Variants in ANKRD13B observed in about 807,000 individuals in gnomAD.
ANKRD13B encodes ankyrin repeat domain 13B, also known as ankyrin repeat domain-containing protein 13B.
A neutral mutation model predicts 74.4 loss-of-function variants in ANKRD13B; 33 were observed. The ratio of observed to expected loss-of-function variants is 0.44; its 90% confidence interval spans 0.34 to 0.59. ANKRD13B has a LOEUF of 0.59. ANKRD13B is among the 20% of genes least tolerant of loss of function. The pLI, the probability that ANKRD13B is intolerant of heterozygous loss-of-function variation, is 0.02. For missense variants in ANKRD13B, 676 were observed against 877.9 expected (o/e 0.77, Z 2.91); for synonymous variants, 341 against 362.9 (o/e 0.94, Z 0.68).
intron 1 of ANKRD13B, among the ~76,000 whole-genome samples, chr17:29,598,503 C>T (rs2034038762): frequency 6.6e-6 from 1 of 151,170 alleles, no homozygotes. Context: ...TTCTCCCTCC[C>T]TCCCTCCCTT....
In ANKRD13B at chr17:29,611,850, C is replaced by G; in HGVS notation, c.970-26C>G. The G allele has an allele frequency of 6.4e-7, 1 of 1,570,196 alleles. No homozygotes were observed. The highest frequency in any genetic ancestry group is 1.2e-5 in the South Asian group (1 of 85,038). ...CTGGCATTAGGAACTGAGGGGAGCT[C>G]CTGGGCCCCTCCCCATGTGGTACAG... On this transcript the variant is annotated intron_variant, in intron 9 of 14. Transcript: ENST00000394859. The surrounding 1 kb of genome is among the most constrained non-coding windows in gnomAD (Gnocchi z 4.3).
At chr17:29,603,877 C>CTT (rs71138837) in intron 1 of ANKRD13B, among the ~76,000 whole-genome samples, 4 of 117,982 alleles carry the variant, frequency 3.4e-5, no homozygotes, top group Non-Finnish European at 5.2e-5. Flanking sequence ...TATTTTCTTT[C>CTT]TTTTTTTTTT....
intron 1 of ANKRD13B, 160 bp downstream of exon 1, chr17:29,593,895 A>ATGGGAGCGGGCCGTGCCCGC: frequency 3.2e-6 from 1 of 315,506 alleles, no homozygotes; most frequent in Non-Finnish European, 5.6e-6. Flanking sequence ...GGAAAGGGTG[A>ATGGGAGCGGGCCGTGCCCGC]TCCCCTCCGG....
rs2034601208 is a variant in ANKRD13B, at chr17:29,612,178, C to T, written c.1163C>T (p.Pro388Leu). The T allele has an allele frequency of 1.2e-6, 2 of 1,614,020 alleles. No individual in the cohort carries two copies. Among genetic ancestry groups the T allele is most frequent in the Non-Finnish European group, 1.7e-6 (2 of 1,180,036 alleles). Residue 388 changes from proline to leucine, a missense_variant, in exon 11 of 15, where the codon CCC becomes CTC. Pro to Leu is a moderately conservative substitution (Grantham distance 98). Coordinates refer to ENST00000394859, the MANE Select transcript of ANKRD13B (RefSeq NM_152345.5). This position sits in a 1 kb window ranked among gnomAD's most constrained non-coding sequence, Gnocchi z 6.1. ...HPLSLCEQVA[P>L]IIDLMAVSNA... Reference sequence around the variant, plus strand: ...CTGTCCCTGTGTGAGCAGGTGGCCCCCATCATTGACCTCATGGCCGTCAGC... The same window carrying T: ...CTGTCCCTGTGTGAGCAGGTGGCCCTCATCATTGACCTCATGGCCGTCAGC...
Position 29,612,835 on chromosome 17 carries a change from C to T in ANKRD13B, c.1575+20C>T. 2 of 1,599,722 alleles carry T rather than the reference C, an allele frequency of 1.3e-6. No homozygotes were observed. Among genetic ancestry groups the T allele is most frequent in the Non-Finnish European group, 1.7e-6 (2 of 1,178,206 alleles). On this transcript the variant is annotated intron_variant, in intron 13 of 14. Coordinates refer to ENST00000394859, the MANE Select transcript of ANKRD13B (RefSeq NM_152345.5). The surrounding 1 kb of genome is among the most constrained non-coding windows in gnomAD (Gnocchi z 6.1). ...GACCAGGTGCGTCTCCGCGGGCGCG[C>T]GGGGCCACGGGACTCCGCGCCGCCA... is the stretch of plus-strand genomic sequence containing the variant.
In ANKRD13B at chr17:29,611,940, A is replaced by G. The variant is rs747179406; in HGVS notation, c.1034A>G (p.Asn345Ser). 4 of 1,613,920 alleles carry G rather than the reference A, an allele frequency of 2.5e-6. No homozygotes were observed. Among genetic ancestry groups the G allele is most frequent in the Non-Finnish European group, 3.4e-6 (4 of 1,179,986 alleles). The change falls in exon 10 of 15, where the codon AAC (asparagine) becomes AGC (serine). Residue 345 changes from asparagine to serine, a missense_variant. This residue lies in a region of ANKRD13B where 328 missense variants were observed against 518.4 expected (regional missense o/e 0.63). Transcript: ENST00000394859. The surrounding 1 kb of genome is among the most constrained non-coding windows in gnomAD (Gnocchi z 4.3). The stretch of plus-strand genomic sequence containing the variant: ...GCCATCACTGCAGAAGAATACTTCA[A>G]CCCCAACTTTGAGCTGGGCAACCGT... ...PTAITAEEYF[N>S]PNFELGNRDM...
chr17:29,593,477 C>A lies in ANKRD13B; in HGVS notation c.-145C>A. 5.3e-6 allele frequency: 1 copy of A among 189,606 alleles called. No individual in the cohort carries two copies. Among genetic ancestry groups the A allele is most frequent in the South Asian group, 1.6e-4 (1 of 6,070 alleles). The allele number at this position is 189,606 out of a possible 1,614,324, so 11.7% of individuals were successfully genotyped here. On this transcript the variant is annotated 5_prime_UTR_variant, in exon 1 of 15. Coordinates refer to ENST00000394859, the MANE Select transcript of ANKRD13B (RefSeq NM_152345.5). ...CCCGCACCGCGCCGGGCGCGCCGCC[C>A]CCGCCCGCCGCCGCTCGCACATGCC...
rs371147023 is a variant in ANKRD13B, at chr17:29,595,600, G to T, written c.114+1865G>T. Among the ~76,000 whole-genome samples the T allele has an allele frequency of 2.8e-3, 429 of 152,200 alleles. 4 individuals carry two copies. Among genetic ancestry groups the T allele is most frequent in the African/African-American group, 0.01 (420 of 41,510 alleles). ...GGCACCGGAGCCGCTGCAGGTAGAG[G>T]TGTTGGGGGCTGCTCATGTGTTTCT... On this transcript the variant is annotated intron_variant, in intron 1 of 14. Transcript: ENST00000394859.
intron 1 of ANKRD13B, among the ~76,000 whole-genome samples, chr17:29,606,296 C>T (rs539385440): frequency 1.1e-4 from 16 of 151,930 alleles, no homozygotes; most frequent in Non-Finnish European, 2.2e-4. Context: ...TGGTGGCTCA[C>T]GCCTGTAATC....
Position 29,612,848 on chromosome 17 carries a change from C to G in ANKRD13B, c.1575+33C>G. 6.2e-7 allele frequency: 1 copy of G among 1,600,278 alleles called. No individual in the cohort carries two copies. On this transcript the variant is annotated intron_variant, in intron 13 of 14. Coordinates refer to ENST00000394859, the MANE Select transcript of ANKRD13B (RefSeq NM_152345.5). The surrounding 1 kb of genome is among the most constrained non-coding windows in gnomAD (Gnocchi z 6.1). ...TCCGCGGGCGCGCGGGGCCACGGGA[C>G]TCCGCGCCGCCACGGCTAACGCCCA...
At chr17:29,607,562 T>C (rs7406075) in intron 1 of ANKRD13B, among the ~76,000 whole-genome samples, 180 bp from the exon 2 acceptor site, 2 of 152,210 alleles carry the variant, frequency 1.3e-5, no homozygotes, top group Non-Finnish European at 2.9e-5. Flanking sequence ...TTTCCGTTGC[T>C]CATAGTGTCT....
At chr17:29,600,925 T>G (rs1042924978) in intron 1 of ANKRD13B, among the ~76,000 whole-genome samples, 1 of 144,234 alleles carries the variant, frequency 6.9e-6, no homozygotes, top group South Asian at 2.4e-4. Flanking sequence ...TTACTGACTT[T>G]TTTTTTTTTT....
intron 1 of ANKRD13B, among the ~76,000 whole-genome samples, chr17:29,595,703 C>A (rs1333899326): frequency 6.6e-6 from 1 of 152,156 alleles, no homozygotes; most frequent in Non-Finnish European, 1.5e-5. Flanking sequence ...TTAATGTCTC[C>A]TTGAAATGGA....
intron 1 of ANKRD13B, among the ~76,000 whole-genome samples, chr17:29,607,063 CAAAA>C (rs34261270): frequency 1.3e-5 from 2 of 149,990 alleles, no homozygotes; most frequent in African/African-American, 2.5e-5. Flanking sequence ...AAAAAAAACA[CAAAA>C]AAAAACCCCA....
At chr17:29,603,302 C>T (rs1319330097) in intron 1 of ANKRD13B, among the ~76,000 whole-genome samples, 4 of 152,114 alleles carry the variant, frequency 2.6e-5, no homozygotes, top group Non-Finnish European at 5.9e-5. Flanking sequence ...AGTGCAGTGG[C>T]GTGATCATAG....
At chr17:29,603,919 C>T (rs1318869403) in intron 1 of ANKRD13B, among the ~76,000 whole-genome samples, 1 of 149,946 alleles carries the variant, frequency 6.7e-6, no homozygotes, top group East Asian at 1.9e-4. Context: ...TCTCTGTTGC[C>T]CAGGCTGGAG....
At chr17:29,607,004 C>G (rs1287376688) in intron 1 of ANKRD13B, among the ~76,000 whole-genome samples, 1 of 151,906 alleles carries the variant, frequency 6.6e-6, no homozygotes, top group African/African-American at 2.4e-5. Flanking sequence ...GAGCTGATAT[C>G]ACGTCATTGT....
rs1358452107 is a variant in ANKRD13B, at chr17:29,614,367, T to TA, written c.*786dup. 6.6e-6 allele frequency: 1 copy of TA among 152,058 alleles called. No homozygotes were observed. Among genetic ancestry groups the TA allele is most frequent in the East Asian group, 1.9e-4 (1 of 5,150 alleles). The allele number at this position is 152,058 out of a possible 1,614,324, so 9.4% of individuals were successfully genotyped here. On this transcript the variant is annotated 3_prime_UTR_variant, in exon 15 of 15. Coordinates refer to ENST00000394859, the MANE Select transcript of ANKRD13B (RefSeq NM_152345.5). Reference sequence around the variant, plus strand: ...GGCTGGGGTAAGCACTAGACCCAAGTAGACTGGACACAAAGGGCTCGCCCA... The same window carrying TA: ...GGCTGGGGTAAGCACTAGACCCAAGTAAGACTGGACACAAAGGGCTCGCCCA...
chr17:29,610,858 C>A, intron 8 of ANKRD13B, 92 bp downstream of exon 8: 1 of 1,272,078 alleles, frequency 7.9e-7, no homozygotes, highest in Non-Finnish European at 1.1e-6. Flanking sequence ...CCACTGGCAT[C>A]CTAGCAAGAG....
Sources: allele counts gnomAD v4.1 joint callset (sites outside exome capture counted in the v4.1 genomes callset), GRCh38; gene constraint gnomAD v4.1.1; regional missense constraint gnomAD v4.1.1; non-coding constraint Gnocchi (gnomAD v3.1); transcripts MANE v1.5; gene names NCBI Gene and HGNC (gene_info 2026-07-23, HGNC 2026-07-21).